The following CLEC16A variants were observed in gnomAD, a reference collection of about 807,000 sequenced individuals.
The protein encoded by CLEC16A is protein CLEC16A.
A neutral mutation model predicts 109.5 loss-of-function variants in CLEC16A; 51 were observed. The observed-to-expected ratio is 0.47, with a 90% CI of 0.37 to 0.59. CLEC16A has a LOEUF of 0.59. Among genes scored for constraint, CLEC16A ranks in the 20% least tolerant of loss-of-function variants. CLEC16A has a pLI of 0.00. For missense variants in CLEC16A, 1,339 were observed against 1,394.0 expected, an observed-to-expected ratio of 0.96 and a Z score of 0.63; for synonymous variants, 673 against 564.2, an observed-to-expected ratio of 1.19 and a Z score of -2.73.
At chr16:10,988,756 C>T (rs1231428372) in intron 10 of CLEC16A, among the ~76,000 whole-genome samples, 9 of 152,096 alleles carry the variant, frequency 5.9e-5, no homozygotes, top group Admixed American at 5.9e-4. Context: ...ACTAGGTGTT[C>T]CCGGGCCTCA....
At chr16:11,111,483 A>G (rs1289511803) in intron 19 of CLEC16A, among the ~76,000 whole-genome samples, 4 of 152,214 alleles carry the variant, frequency 2.6e-5, no homozygotes, top group African/African-American at 9.6e-5. Context: ...GGTCTAGACA[A>G]TCACTGAGGC....
chr16:11,100,555 G>A lies in CLEC16A; in HGVS notation c.2117-20060G>A, dbSNP rs533914442. 2.3e-4 allele frequency among the ~76,000 whole-genome samples: 35 copies of A among 152,294 alleles called. No individual in the cohort carries two copies. In the South Asian group the frequency reaches 6.6e-3, roughly 29 times the overall value. On this transcript the variant is annotated intron_variant, in intron 19 of 23. Transcript: ENST00000409790. ...TGGTTTCAAGCACATGGAGGGACTT[G>A]GACCTGACTCACTTGGGCATTTCCT...
chr16:11,122,472 CATAAA>C (rs1364080619), intron 20 of CLEC16A, among the ~76,000 whole-genome samples: 1 of 151,142 alleles, frequency 6.6e-6, no homozygotes, highest in Non-Finnish European at 1.5e-5. Flanking sequence ...ATGAAAGCCA[CATAAA>C]CCTTTTTTTT....
At position 11,039,762 on chromosome 16, in the gene CLEC16A, C is replaced by T; in HGVS notation, c.1546C>T (p.Pro516Ser). Residue 516 changes from proline to serine, a missense_variant, in exon 14 of 24, where the codon CCT becomes TCT. Physicochemically the swap from Pro to Ser is moderately conservative, Grantham distance 74. Coordinates refer to ENST00000409790, the MANE Select transcript of CLEC16A (RefSeq NM_015226.3). The stretch of plus-strand genomic sequence containing the variant: ...CTTCTCCTCTGTTCCAGGCATGGAT[C>T]CTGAAAAATTAGAGCGAATCCAGCT... ...YAMSHNKGMDPEKLERIQLPV... is the reference protein window; with the variant it reads ...YAMSHNKGMDSEKLERIQLPV... The T allele has an allele frequency of 6.2e-7, 1 of 1,600,382 alleles. No homozygotes were observed. Among genetic ancestry groups the T allele is most frequent in the Non-Finnish European group, 8.5e-7 (1 of 1,173,532 alleles).
chr16:11,159,970 T>C (rs914753390), intron 22 of CLEC16A, among the ~76,000 whole-genome samples: 1 of 152,222 alleles, frequency 6.6e-6, no homozygotes, highest in Admixed American at 6.5e-5. Context: ...GGAATGAGGC[T>C]GCAGGGCGAG....
intron 10 of CLEC16A, among the ~76,000 whole-genome samples, chr16:10,995,383 G>A (rs1240637021): frequency 6.6e-6 from 1 of 152,200 alleles, no homozygotes; most frequent in African/African-American, 2.4e-5. Flanking sequence ...CAGTCCTGGC[G>A]CCTGAGGCCG....
At chr16:10,970,663 C>T (rs1479519228) in intron 4 of CLEC16A, among the ~76,000 whole-genome samples, 2 of 152,230 alleles carry the variant, frequency 1.3e-5, no homozygotes, top group African/African-American at 2.4e-5. Flanking sequence ...CTTGGCCTCC[C>T]AAAGTGCTGG....
chr16:11,168,278 C>T (rs912738558), intron 23 of CLEC16A, among the ~76,000 whole-genome samples: 4 of 152,188 alleles, frequency 2.6e-5, no homozygotes, highest in African/African-American at 9.7e-5. Context: ...GTCCCTACCC[C>T]CACCATCCCC....
intron 22 of CLEC16A, among the ~76,000 whole-genome samples, chr16:11,130,438 C>G (rs2053126742): frequency 6.6e-6 from 1 of 152,226 alleles, no homozygotes; most frequent in Non-Finnish European, 1.5e-5. Context: ...GGCTAAATTT[C>G]TGTCACCAAG....
At position 10,980,094 on chromosome 16, in the gene CLEC16A, C is replaced by T. The variant is rs533875364; in HGVS notation, c.957+712C>T. Reference sequence around the variant, plus strand: ...CAGCATTTACCCAGAATTCTGTTTCCGCTTTTGCAATGGCACAGGTATTTA... The same window carrying T: ...CAGCATTTACCCAGAATTCTGTTTCTGCTTTTGCAATGGCACAGGTATTTA... On this transcript the variant is annotated intron_variant, in intron 9 of 23. Transcript: ENST00000409790. Among the ~76,000 whole-genome samples, 3 of 152,298 alleles carry T rather than the reference C, an allele frequency of 2.0e-5. No individual in the cohort carries two copies. In the East Asian group the frequency reaches 5.8e-4, roughly 29 times the overall value.
At chr16:11,008,738 C>A (rs2045202610) in intron 11 of CLEC16A, among the ~76,000 whole-genome samples, 1 of 151,316 alleles carries the variant, frequency 6.6e-6, no homozygotes, top group Admixed American at 6.6e-5. Flanking sequence ...CGCCTGTAAT[C>A]CCAGCACTTT....
chr16:11,175,427 A>T (rs1352459865), intron 23 of CLEC16A, among the ~76,000 whole-genome samples: 2 of 152,202 alleles, frequency 1.3e-5, no homozygotes, highest in East Asian at 3.9e-4. Context: ...TAGAGTTCAA[A>T]AACACCAGCA....
intron 13 of CLEC16A, among the ~76,000 whole-genome samples, chr16:11,028,367 G>A (rs765175038): frequency 3.9e-5 from 6 of 152,138 alleles, no homozygotes; most frequent in Non-Finnish European, 8.8e-5. Flanking sequence ...AGGGTTTAAT[G>A]TTGGTAAATG....
intron 19 of CLEC16A, among the ~76,000 whole-genome samples, chr16:11,102,481 T>G (rs1481503838): frequency 2.0e-5 from 3 of 152,358 alleles, no homozygotes; most frequent in South Asian, 4.1e-4. Flanking sequence ...AAAATCAGAC[T>G]GCTGTGCCGG....
At chr16:10,947,602 A>G (rs901869754) in intron 1 of CLEC16A, among the ~76,000 whole-genome samples, 4 of 152,136 alleles carry the variant, frequency 2.6e-5, no homozygotes, top group African/African-American at 9.7e-5. Context: ...TGTGGGAAAC[A>G]AGGCTGGAAG....
chr16:11,072,162 C>T (rs956266109), intron 19 of CLEC16A, among the ~76,000 whole-genome samples: 1 of 152,124 alleles, frequency 6.6e-6, no homozygotes, highest in Non-Finnish European at 1.5e-5. Context: ...CGTTCTGTCC[C>T]CCAGGCTAGA....
intron 13 of CLEC16A, among the ~76,000 whole-genome samples, chr16:11,025,142 G>A (rs2046337857): frequency 6.6e-6 from 1 of 152,106 alleles, no homozygotes; most frequent in South Asian, 2.1e-4. Context: ...GGTTACTCAG[G>A]CAATATGGAG....
intron 13 of CLEC16A, 121 bp from the exon 14 acceptor site, chr16:11,039,633 A>G: frequency 8.5e-7 from 1 of 1,170,756 alleles, no homozygotes; most frequent in Non-Finnish European, 1.2e-6. Flanking sequence ...AAAGGAAAAG[A>G]AATCACCAAG....
chr16:11,090,141 G>A (rs2050224214), intron 19 of CLEC16A, among the ~76,000 whole-genome samples: 1 of 152,120 alleles, frequency 6.6e-6, no homozygotes, highest in African/African-American at 2.4e-5. Flanking sequence ...CCTGCATTCT[G>A]GTTCCCTGGA....
Sources: gnomAD v4.1 joint callset for allele counts (sites outside exome capture counted in the v4.1 genomes callset) on GRCh38, gnomAD v4.1.1 for gene constraint, MANE v1.5 for transcripts, NCBI Gene and HGNC (gene_info 2026-07-23, HGNC 2026-07-21) for gene names.